The following ARSG variants were observed in gnomAD, a reference collection of about 807,000 sequenced individuals.
ARSG encodes the protein ASG.
In ARSG, 37 loss-of-function variants were observed where a neutral mutation model predicts 50.5. That is an observed-to-expected ratio of 0.73 (90% CI 0.56 to 0.96). The LOEUF is 0.96. Among genes scored for constraint, ARSG ranks in the 50% least tolerant of loss-of-function variants. The probability of loss-of-function intolerance (pLI) is 0.00; values close to 1 mark genes in which losing one functional copy is unlikely to be tolerated. For missense variants in ARSG, 629 were observed against 675.3 expected (o/e 0.93, Z 0.76); for synonymous variants, 225 against 254.6 (o/e 0.88, Z 1.11).
chr17:68,328,696 T>G (rs537386701), intron 2 of ARSG, among the ~76,000 whole-genome samples: 8 of 152,282 alleles, frequency 5.3e-5, no homozygotes, highest in Admixed American at 2.6e-4. Flanking sequence ...TGTGTCTGTT[T>G]GGAGGCAGAG....
intron 11 of ARSG, among the ~76,000 whole-genome samples, chr17:68,406,538 A>G (rs1175253704): frequency 6.6e-6 from 1 of 152,160 alleles, no homozygotes; most frequent in Non-Finnish European, 1.5e-5. Context: ...ATCCATGCCA[A>G]CATCTACTGT....
At chr17:68,308,802 T>G (rs1599655962) in intron 2 of ARSG, among the ~76,000 whole-genome samples, 1 of 152,316 alleles carries the variant, frequency 6.6e-6, no homozygotes, top group South Asian at 2.1e-4. Context: ...GAGCTAGACA[T>G]AAAGGTTCTC....
intron 11 of ARSG, among the ~76,000 whole-genome samples, chr17:68,407,275 T>A (rs569697493): frequency 1.3e-5 from 2 of 152,324 alleles, no homozygotes; most frequent in South Asian, 4.1e-4. Context: ...GATTATGGCT[T>A]TATAGTATAG....
At chr17:68,442,721 C>T in the ARSG span, among the ~76,000 whole-genome samples, 13 of 152,212 alleles carry the variant, frequency 8.5e-5, no homozygotes, top group African/African-American at 3.1e-4. Flanking sequence ...ATTCAGGGGC[C>T]TCTCATTCCT....
chr17:68,300,180 A>G (rs2076359917), intron 1 of ARSG, among the ~76,000 whole-genome samples: 1 of 152,192 alleles, frequency 6.6e-6, no homozygotes, highest in Admixed American at 6.5e-5. Context: ...CCCTGGCCGC[A>G]GGTGATCCTC....
At chr17:68,334,080 G>C (rs1416196427) in intron 2 of ARSG, among the ~76,000 whole-genome samples, 7 of 152,166 alleles carry the variant, frequency 4.6e-5, no homozygotes. Flanking sequence ...AGGTTCTGGA[G>C]GGAGGACCTC....
the ARSG span, among the ~76,000 whole-genome samples, chr17:68,430,541 T>TG: frequency 6.6e-6 from 1 of 152,172 alleles, no homozygotes; most frequent in African/African-American, 2.4e-5. Context: ...GCCGGGCTCA[T>TG]GGAAGAACAG....
chr17:68,286,098 G>A (rs1282160046), intron 1 of ARSG, among the ~76,000 whole-genome samples: 1 of 152,142 alleles, frequency 6.6e-6, no homozygotes, highest in Non-Finnish European at 1.5e-5. Context: ...TCACCATGTG[G>A]ACCGGGCTGT....
intron 5 of ARSG, among the ~76,000 whole-genome samples, chr17:68,352,515 T>TC (rs1350562673): frequency 3.4e-4 from 51 of 149,756 alleles, no homozygotes; most frequent in African/African-American, 1.2e-3. Flanking sequence ...TTTCTTTCTT[T>TC]TTTTTTTTTT....
At chr17:68,439,942 G>A in the ARSG span, among the ~76,000 whole-genome samples, 1 of 152,302 alleles carries the variant, frequency 6.6e-6, no homozygotes, top group East Asian at 1.9e-4. Context: ...AGCCTTGGAC[G>A]CATACCTCCA....
At chr17:68,372,364 T>C (rs1444507317) in intron 8 of ARSG, among the ~76,000 whole-genome samples, 2 of 152,118 alleles carry the variant, frequency 1.3e-5, no homozygotes, top group Non-Finnish European at 2.9e-5. Context: ...AAGAACTACC[T>C]GAGACAGGGT....
chr17:68,294,434 C>A (rs1221077283), intron 1 of ARSG, among the ~76,000 whole-genome samples: 2 of 152,210 alleles, frequency 1.3e-5, no homozygotes, highest in Admixed American at 1.3e-4. Flanking sequence ...AATAAGCTCA[C>A]TGCATTTACC....
chr17:68,389,931 A>G (rs1172442375), intron 9 of ARSG, among the ~76,000 whole-genome samples: 2 of 150,726 alleles, frequency 1.3e-5, no homozygotes, highest in African/African-American at 4.9e-5. Flanking sequence ...ACTCCCCTTT[A>G]CCTACCCCCC....
chr17:68,290,468 AC>A (rs1272782766), upstream of ARSG, among the ~76,000 whole-genome samples: 1 of 152,168 alleles, frequency 6.6e-6, no homozygotes, highest in African/African-American at 2.4e-5. Context: ...GTTGCGCGGG[AC>A]CGGCCGTCAG....
At chr17:68,346,778 C>A in intron 3 of ARSG, 1 of 1,305,870 alleles carries the variant, frequency 7.7e-7, no homozygotes, top group Non-Finnish European at 1.0e-6. Context: ...TTGCAGGGCC[C>A]CAGCGCGGGA....
At chr17:68,426,588 A>C (rs2083211643), downstream of ARSG, among the ~76,000 whole-genome samples, 1 of 152,170 alleles carries the variant, frequency 6.6e-6, no homozygotes, top group Non-Finnish European at 1.5e-5. Flanking sequence ...GCTGGAGTGC[A>C]GTGGTATGAT....
chr17:68,352,063 GGAGAGAGA>G (rs764916757), intron 5 of ARSG, among the ~76,000 whole-genome samples: 3 of 141,400 alleles, frequency 2.1e-5, no homozygotes, highest in Non-Finnish European at 3.1e-5. Flanking sequence ...GAGAGACAGA[GGAGAGAGA>G]GAGAGAGAGA....
At chr17:68,286,799 T>C (rs1436372608), upstream of ARSG, among the ~76,000 whole-genome samples, 1 of 151,878 alleles carries the variant, frequency 6.6e-6, no homozygotes, top group Admixed American at 6.6e-5. Flanking sequence ...AAACAGCTGA[T>C]ACTTTTGAAT....
the ARSG span, among the ~76,000 whole-genome samples, chr17:68,441,698 C>T: frequency 6.6e-6 from 1 of 152,206 alleles, no homozygotes; most frequent in Non-Finnish European, 1.5e-5. Flanking sequence ...AGGGCGGACC[C>T]ACCTTTGCCC....
Sources: gnomAD v4.1 joint callset for allele counts (sites outside exome capture counted in the v4.1 genomes callset) on GRCh38, gnomAD v4.1.1 for gene constraint, MANE v1.5 for transcripts, NCBI Gene and HGNC (gene_info 2026-07-23, HGNC 2026-07-21) for gene names.